PTPN14: variants seen among roughly 807,000 people sequenced by gnomAD.
PTPN14 encodes protein tyrosine phosphatase non-receptor type 14.
Under a neutral mutation model 126.8 loss-of-function variants are expected in PTPN14, and 53 were observed. That is an observed-to-expected ratio of 0.42 (90% CI 0.34 to 0.53). The LOEUF (loss-of-function observed/expected upper bound fraction) is 0.53, where lower values mean the gene tolerates loss of function less well. Ranked by LOEUF, PTPN14 falls within the 20% of genes least tolerant of loss-of-function variation. The probability of loss-of-function intolerance (pLI) is 0.08; values close to 1 mark genes in which losing one functional copy is unlikely to be tolerated. For synonymous variants in PTPN14, 630 were observed against 599.3 expected (o/e 1.05, Z -0.75); for missense variants, 1,257 against 1,552.9 (o/e 0.81, Z 3.20).
chr1:214,398,137 C>T (rs1282581145), intron 7 of PTPN14, 136 bp from the exon 8 acceptor site: 9 of 650,938 alleles, frequency 1.4e-5, no homozygotes, highest in Admixed American at 8.6e-5. Flanking sequence ...CATGTGTGTA[C>T]AAGGGAGTAC....
chr1:214,377,511 C>T (rs183768411), intron 14 of PTPN14, among the ~76,000 whole-genome samples: 1 of 152,008 alleles, frequency 6.6e-6, no homozygotes, highest in Non-Finnish European at 1.5e-5. Flanking sequence ...TTCACATGTG[C>T]CCCCAAAACT....
At chr1:214,483,095 TCTA>T in intron 1 of PTPN14, 1 of 1,611,412 alleles carries the variant, frequency 6.2e-7, no homozygotes, top group Non-Finnish European at 8.5e-7. Context: ...AAAACATTTG[TCTA>T]ATGTTTCCAC....
chr1:214,348,973 T>C lies in PTPN14; in HGVS notation c.*8949A>G, dbSNP rs1657653735. 6.6e-6 allele frequency: 1 copy of C among 152,190 alleles called. No individual in the cohort carries two copies. The highest frequency in any genetic ancestry group is 1.5e-5 in the Non-Finnish European group (1 of 68,022). 9.4% of individuals were successfully genotyped at this position (152,190 alleles called of 1,614,324 possible). ...CATAAGCTTATTTACTGATATAAAA[T>C]AGCACATAGAATAGCATGCATAGTT... On this transcript the variant is annotated 3_prime_UTR_variant, in exon 19 of 19. Transcript: ENST00000366956.
intron 1 of PTPN14, among the ~76,000 whole-genome samples, chr1:214,471,597 TG>T (rs1393786822): frequency 1.3e-5 from 2 of 152,148 alleles, no homozygotes; most frequent in Non-Finnish European, 2.9e-5. Context: ...CTTGACCTAC[TG>T]TAGAGAAAGT....
intron 1 of PTPN14, among the ~76,000 whole-genome samples, chr1:214,550,470 T>C (rs886931964): frequency 2.6e-5 from 4 of 152,172 alleles, no homozygotes; most frequent in Non-Finnish European, 5.9e-5. Context: ...GTTACCTCAC[T>C]GCTCTCTCCA....
intron 1 of PTPN14, among the ~76,000 whole-genome samples, chr1:214,489,478 T>C (rs563386827): frequency 6.6e-6 from 1 of 152,262 alleles, no homozygotes; most frequent in East Asian, 1.9e-4. Flanking sequence ...AGGCCACACT[T>C]CCCAATTTTC....
intron 3 of PTPN14, among the ~76,000 whole-genome samples, chr1:214,430,410 C>T (rs368969855): frequency 2.0e-5 from 3 of 152,130 alleles, no homozygotes; most frequent in African/African-American, 4.8e-5. Context: ...GGCTAGGCCA[C>T]GATATCCATA....
chr1:214,401,910 A>G, intron 6 of PTPN14, 138 bp from the exon 7 acceptor site: 2 of 666,768 alleles, frequency 3.0e-6, no homozygotes, highest in Non-Finnish European at 2.6e-6. Context: ...CTGTGAGGGT[A>G]GGGTGCATTA....
intron 1 of PTPN14, among the ~76,000 whole-genome samples, chr1:214,496,312 A>C (rs1654507701): frequency 6.6e-6 from 1 of 152,182 alleles, no homozygotes; most frequent in Non-Finnish European, 1.5e-5. Context: ...AACATACTTT[A>C]TAACTGTAAC....
chr1:214,507,702 C>T (rs965587896), intron 1 of PTPN14, among the ~76,000 whole-genome samples: 3 of 152,118 alleles, frequency 2.0e-5, no homozygotes, highest in Non-Finnish European at 4.4e-5. Flanking sequence ...CATACCACTG[C>T]GATAAAACGA....
chr1:214,418,628 C>T (rs1659476668), intron 3 of PTPN14, among the ~76,000 whole-genome samples: 1 of 152,240 alleles, frequency 6.6e-6, no homozygotes, highest in Non-Finnish European at 1.5e-5. Flanking sequence ...TATGATGCTT[C>T]TAAAGAAGGG....
intron 1 of PTPN14, among the ~76,000 whole-genome samples, chr1:214,497,826 C>T (rs1447074120): frequency 6.6e-6 from 1 of 151,830 alleles, no homozygotes; most frequent in Non-Finnish European, 1.5e-5. Context: ...GGAAACAGCC[C>T]AAGCCATCAG....
At chr1:214,461,280 T>G (rs1331737406) in intron 2 of PTPN14, among the ~76,000 whole-genome samples, 2 of 152,214 alleles carry the variant, frequency 1.3e-5, no homozygotes, top group Admixed American at 1.3e-4. Context: ...ATACCTAAAC[T>G]ACTTCTAATG....
intron 3 of PTPN14, among the ~76,000 whole-genome samples, chr1:214,449,192 G>C (rs1001432488): frequency 6.6e-6 from 1 of 151,134 alleles, no homozygotes; most frequent in African/African-American, 2.4e-5. Flanking sequence ...ATTTTTAGTA[G>C]AGACGGGGTT....
At chr1:214,379,484 A>T (rs1475903303) in intron 13 of PTPN14, among the ~76,000 whole-genome samples, 1 of 152,194 alleles carries the variant, frequency 6.6e-6, no homozygotes, top group Non-Finnish European at 1.5e-5. Context: ...CCGACTCATC[A>T]GACAAACCAA....
At chr1:214,461,764 T>C (rs768302354) in intron 2 of PTPN14, among the ~76,000 whole-genome samples, 4 of 152,218 alleles carry the variant, frequency 2.6e-5, no homozygotes, top group Non-Finnish European at 5.9e-5. Flanking sequence ...GCCATGATCA[T>C]GCCACTGCAC....
chr1:214,395,298 C>T (rs1241307201), intron 8 of PTPN14, among the ~76,000 whole-genome samples: 1 of 152,072 alleles, frequency 6.6e-6, no homozygotes, highest in Admixed American at 6.6e-5. Flanking sequence ...TCCAAAGTGA[C>T]AAAACATTTC....
At chr1:214,475,822 C>T (rs555765978) in intron 1 of PTPN14, among the ~76,000 whole-genome samples, 14 of 152,228 alleles carry the variant, frequency 9.2e-5, no homozygotes, top group Admixed American at 8.5e-4. Context: ...ATAACTTCCC[C>T]CCACGATCAC....
In PTPN14 at chr1:214,348,884, C is replaced by CAGTGG. The variant is rs1253571253; in HGVS notation, c.*9037_*9038insCCACT. Reference sequence around the variant, plus strand: ...AGACTTTATAAAAACAGATAGGAAACAGTGCAAAAAATACTGTCAAAGTCA... The same window carrying CAGTGG: ...AGACTTTATAAAAACAGATAGGAAACAGTGGAGTGCAAAAAATACTGTCAAAGTCA... On this transcript the variant is annotated 3_prime_UTR_variant, in exon 19 of 19. Transcript: ENST00000366956. 6.6e-6 allele frequency: 1 copy of CAGTGG among 152,112 alleles called. No individual in the cohort carries two copies. Among genetic ancestry groups the CAGTGG allele is most frequent in the African/African-American group, 2.4e-5 (1 of 41,432 alleles). The allele number at this position is 152,112 out of a possible 1,614,324, so 9.4% of individuals were successfully genotyped here.
Sources: allele counts gnomAD v4.1 joint callset (sites outside exome capture counted in the v4.1 genomes callset), GRCh38; gene constraint gnomAD v4.1.1; transcripts MANE v1.5; gene names NCBI Gene and HGNC (gene_info 2026-07-23, HGNC 2026-07-21).